The following COXFA4L2 variants were observed in gnomAD, a reference collection of about 807,000 sequenced individuals.
COXFA4L2 encodes the protein cytochrome c oxidase hypoxia associated subunit FA4L2.
the COXFA4L2 span, chr12:57,235,853 C>T: frequency 6.7e-7 from 1 of 1,490,640 alleles, no homozygotes; most frequent in Non-Finnish European, 9.0e-7. Context: ...CTCCCTGGGA[C>T]CCAGAACTCT....
chr12:57,236,600 CG>C, the COXFA4L2 span: 2 of 1,580,710 alleles, frequency 1.3e-6, no homozygotes, highest in Non-Finnish European at 1.7e-6. Context: ...TACCAGACGT[CG>C]GGGCTGCGAA....
the COXFA4L2 span, chr12:57,235,530 G>C: frequency 1.2e-6 from 2 of 1,609,992 alleles, no homozygotes; most frequent in Non-Finnish European, 1.7e-6. Context: ...CTGGCTGGCT[G>C]TGGCTTGCAT....
At chr12:57,237,328 G>T in the COXFA4L2 span, 6 of 1,418,714 alleles carry the variant, frequency 4.2e-6, no homozygotes, top group Non-Finnish European at 5.5e-6. Flanking sequence ...TCCTCCAGAT[G>T]TCTGCACCTG....
the COXFA4L2 span, chr12:57,235,029 G>A: frequency 7.0e-5 from 11 of 157,586 alleles, no homozygotes; most frequent in Admixed American, 1.9e-4. Context: ...GGGTACTGGC[G>A]GCAGCGGGAG....
the COXFA4L2 span, chr12:57,240,735 A>T: frequency 1.0e-6 from 1 of 985,348 alleles, no homozygotes; most frequent in South Asian, 4.7e-5. Flanking sequence ...CCTGATTTTC[A>T]CACATACACA....
chr12:57,236,950 A>T, the COXFA4L2 span: 1 of 1,584,202 alleles, frequency 6.3e-7, no homozygotes, highest in Non-Finnish European at 8.7e-7. Context: ...CCTGGGCACA[A>T]GGCAAGGCAT....
At chr12:57,237,083 C>G in the COXFA4L2 span, 3 of 1,614,206 alleles carry the variant, frequency 1.9e-6, no homozygotes, top group South Asian at 3.3e-5. Flanking sequence ...TGGCTCCTGC[C>G]ATATCGTTGT....
At chr12:57,240,213 G>C in the COXFA4L2 span, 2 of 152,150 alleles carry the variant, frequency 1.3e-5, no homozygotes, top group Non-Finnish European at 2.9e-5. Flanking sequence ...CGGGAGCTGC[G>C]CGGTGAGCGA....
At chr12:57,236,684 G>T in the COXFA4L2 span, 3 of 1,558,948 alleles carry the variant, frequency 1.9e-6, no homozygotes, top group Non-Finnish European at 1.7e-6. Context: ...GGGATGATCT[G>T]CGGGGAAGAG....
the COXFA4L2 span, chr12:57,236,356 G>T: frequency 2.4e-5 from 12 of 493,650 alleles, no homozygotes; most frequent in South Asian, 4.1e-4. Flanking sequence ...TGGCAACCCG[G>T]CCGGGAGAGG....
At chr12:57,237,704 C>T in the COXFA4L2 span, 1 of 155,886 alleles carries the variant, frequency 6.4e-6, no homozygotes, top group Non-Finnish European at 1.4e-5. Flanking sequence ...GCTGGAAGAA[C>T]CAGGTGTATG....
At chr12:57,239,668 C>T in the COXFA4L2 span, 1 of 153,770 alleles carries the variant, frequency 6.5e-6, no homozygotes, top group Non-Finnish European at 1.4e-5. This position sits in a 1 kb window ranked among gnomAD's most constrained non-coding sequence, Gnocchi z 5.5. Context: ...CTGTCTGCTT[C>T]CTGTCTCTGG....
the COXFA4L2 span, among the ~76,000 whole-genome samples, chr12:57,235,990 C>T: frequency 6.6e-6 from 1 of 152,304 alleles, no homozygotes; most frequent in East Asian, 1.9e-4. Flanking sequence ...CAGGTGCTGA[C>T]AAGTGAGACA....
chr12:57,235,742 G>A, the COXFA4L2 span: 7 of 1,603,824 alleles, frequency 4.4e-6, no homozygotes, highest in Admixed American at 1.7e-5. Context: ...GAGCCATCGA[G>A]AGGTACCTTG....
At chr12:57,238,853 T>G in the COXFA4L2 span, among the ~76,000 whole-genome samples, 1 of 152,142 alleles carries the variant, frequency 6.6e-6, no homozygotes, top group Non-Finnish European at 1.5e-5. This position sits in a 1 kb window ranked among gnomAD's most constrained non-coding sequence, Gnocchi z 6.8. Context: ...CGCCACTCTC[T>G]GACCCTTCTC....
At chr12:57,240,625 C>T in the COXFA4L2 span, 1 of 977,322 alleles carries the variant, frequency 1.0e-6, no homozygotes, top group Non-Finnish European at 1.2e-6. Context: ...TACACGCCGC[C>T]GCGCGGCTCA....
the COXFA4L2 span, chr12:57,236,207 G>C: frequency 3.1e-6 from 1 of 325,276 alleles, no homozygotes. Flanking sequence ...CCCTCTCCGC[G>C]GCCGGGTGTG....
chr12:57,237,364 G>C, the COXFA4L2 span: 1 of 1,379,658 alleles, frequency 7.2e-7, no homozygotes, highest in Non-Finnish European at 9.4e-7. Context: ...TCATTCTTGG[G>C]GCTTCTGGCA....
chr12:57,240,595 G>T, the COXFA4L2 span: 1 of 896,558 alleles, frequency 1.1e-6, no homozygotes, highest in Non-Finnish European at 1.3e-6. Flanking sequence ...GCGCGCACGT[G>T]CGTCACACTG....
Sources: allele counts gnomAD v4.1 joint callset (sites outside exome capture counted in the v4.1 genomes callset), GRCh38; gene constraint gnomAD v4.1.1; non-coding constraint Gnocchi (gnomAD v3.1); transcripts MANE v1.5; gene names NCBI Gene and HGNC (gene_info 2026-07-23, HGNC 2026-07-21).